The following RAVER2 variants were observed in gnomAD, a reference collection of about 807,000 sequenced individuals.
RAVER2 encodes the protein ribonucleoprotein, PTB binding 2, also known as ribonucleoprotein PTB-binding 2.
A neutral mutation model predicts 78.1 loss-of-function variants in RAVER2; 46 were observed. The ratio of observed to expected loss-of-function variants is 0.59; its 90% CI spans 0.46 to 0.75. RAVER2 has a LOEUF of 0.75. RAVER2 is among the 30% of genes least tolerant of loss of function. The probability of loss-of-function intolerance (pLI) is 0.00; values close to 1 mark genes in which losing one functional copy is unlikely to be tolerated. For synonymous variants in RAVER2, 311 were observed against 313.3 expected (o/e 0.99, Z 0.08); for missense variants, 793 against 837.5 (o/e 0.95, Z 0.66).
chr1:64,753,775 GC>G (rs1244786524), intron 1 of RAVER2, among the ~76,000 whole-genome samples: 1 of 152,054 alleles, frequency 6.6e-6, no homozygotes, highest in Non-Finnish European at 1.5e-5. Context: ...GCCCACCTCG[GC>G]CTCCCAAAGT....
chr1:64,804,401 C>G (rs187062247), intron 6 of RAVER2, among the ~76,000 whole-genome samples: 100 of 151,990 alleles, frequency 6.6e-4, no homozygotes, highest in African/African-American at 2.3e-3. Flanking sequence ...AGCACAGTGC[C>G]TAGAACATAG....
At position 64,767,027 on chromosome 1, in the gene RAVER2, G is replaced by A. The variant is rs150058218; in HGVS notation, c.250-1629G>A. On this transcript the variant is annotated intron_variant, in intron 1 of 11. Coordinates refer to ENST00000294428, the Ensembl canonical transcript of RAVER2. ...ATGCTATTTTACAAAATTGGTAAGTGTATGTATTTTAAAAAATTTCTAATA... is the reference window on the plus strand; with the variant it reads ...ATGCTATTTTACAAAATTGGTAAGTATATGTATTTTAAAAAATTTCTAATA... Among the ~76,000 whole-genome samples, 370 of 152,166 alleles carry A rather than the reference G, an allele frequency of 2.4e-3. 2 individuals carry two copies. The highest frequency in any genetic ancestry group is 8.2e-3 in the African/African-American group (342 of 41,544).
At chr1:64,761,180 A>G (rs1027497551) in intron 1 of RAVER2, among the ~76,000 whole-genome samples, 3 of 152,260 alleles carry the variant, frequency 2.0e-5, no homozygotes, top group African/African-American at 7.2e-5. Context: ...ATTTTAGGCC[A>G]AGTCAAAATG....
At chr1:64,745,079 G>T (rs1651481983), upstream of RAVER2, 3 of 993,966 alleles carry the variant, frequency 3.0e-6, no homozygotes, top group Admixed American at 6.1e-5. This position sits in a 1 kb window ranked among gnomAD's most constrained non-coding sequence, Gnocchi z 4.3. Context: ...TGCGGCCTCT[G>T]CCCGCCTCGC....
intron 4 of RAVER2, among the ~76,000 whole-genome samples, chr1:64,785,992 T>C (rs983781419): frequency 1.4e-4 from 21 of 152,334 alleles, no homozygotes; most frequent in African/African-American, 4.1e-4. Context: ...TGAGAACTTA[T>C]ATAGTTGAGA....
intron 2 of RAVER2, 115 bp downstream of exon 2, chr1:64,768,837 T>G: frequency 3.0e-6 from 2 of 668,272 alleles, no homozygotes; most frequent in Non-Finnish European, 5.2e-6. Context: ...TTTTAAGCCT[T>G]AAATCATTCG....
intron 2 of RAVER2, among the ~76,000 whole-genome samples, chr1:64,774,140 T>C (rs1013460707): frequency 2.6e-5 from 4 of 152,220 alleles, no homozygotes. Context: ...GCCTATTCAC[T>C]CTGCTGATAA....
chr1:64,750,307 CTT>C (rs563534320), intron 1 of RAVER2, among the ~76,000 whole-genome samples: 13 of 138,642 alleles, frequency 9.4e-5, no homozygotes, highest in Admixed American at 7.2e-5. Flanking sequence ...TTTTTCTTTT[CTT>C]TTTTTTTTTT....
At chr1:64,815,442 T>A (rs1653732705) in intron 11 of RAVER2, 1 of 152,232 alleles carries the variant, frequency 6.6e-6, no homozygotes, top group Non-Finnish European at 1.5e-5. Flanking sequence ...TCCTGTGTCA[T>A]TACTTAAATA....
At chr1:64,780,080 A>C (rs1316338334) in intron 3 of RAVER2, among the ~76,000 whole-genome samples, 1 of 145,292 alleles carries the variant, frequency 6.9e-6, no homozygotes, top group African/African-American at 2.8e-5. Context: ...ATAGAATAGT[A>C]AAAAAAAATT....
At chr1:64,816,547 C>G (rs1040587648) in intron 11 of RAVER2, 1 of 152,184 alleles carries the variant, frequency 6.6e-6, no homozygotes, top group African/African-American at 2.4e-5. Context: ...ATTAGGAATT[C>G]CTTTTACTAT....
chr1:64,827,467 G>A (rs1327267629), intron 11 of RAVER2, among the ~76,000 whole-genome samples: 1 of 152,100 alleles, frequency 6.6e-6, no homozygotes, highest in Non-Finnish European at 1.5e-5. Context: ...TGGAACCACT[G>A]GGTGCAAACT....
chr1:64,796,486 G>T (rs1387674909), intron 5 of RAVER2, among the ~76,000 whole-genome samples: 1 of 152,030 alleles, frequency 6.6e-6, no homozygotes. Context: ...CTTCTTAAGT[G>T]AGCTTTGCTA....
chr1:64,784,682 A>C (rs756193141), intron 4 of RAVER2, among the ~76,000 whole-genome samples: 3 of 152,168 alleles, frequency 2.0e-5, no homozygotes, highest in Admixed American at 6.5e-5. Context: ...TTCAAAGAAG[A>C]CTTTTTTTCT....
At chr1:64,812,743 C>G in exon 10 of RAVER2, 1 of 1,608,898 alleles carries the variant, frequency 6.2e-7, no homozygotes, top group Non-Finnish European at 8.5e-7. Flanking sequence ...AATAGGCTGC[C>G]TCTAAGAATC....
intron 3 of RAVER2, among the ~76,000 whole-genome samples, chr1:64,780,793 G>T (rs1244133904): frequency 6.6e-6 from 1 of 152,180 alleles, no homozygotes; most frequent in Admixed American, 6.5e-5. Flanking sequence ...TACATGGCAG[G>T]AGTTTATTTA....
At position 64,750,454 on chromosome 1, in the gene RAVER2, A is replaced by G. The variant is rs141820438; in HGVS notation, c.249+5033A>G. ...CATCTGAGAAGTTGGGACCATAGGC[A>G]TGCACCACTGTGTCCAGCTAATATT... On this transcript the variant is annotated intron_variant, in intron 1 of 11. Transcript: ENST00000294428. Among the ~76,000 whole-genome samples, 939 of 152,042 alleles carry G rather than the reference A, an allele frequency of 6.2e-3. 2 individuals carry two copies. Among genetic ancestry groups the G allele is most frequent in the Non-Finnish European group, 0.01 (681 of 67,958 alleles).
At chr1:64,767,209 G>A (rs556433459) in intron 1 of RAVER2, among the ~76,000 whole-genome samples, 2 of 151,836 alleles carry the variant, frequency 1.3e-5, no homozygotes, top group Non-Finnish European at 2.9e-5. Context: ...TTCAACTTCT[G>A]TCTTCTTATT....
intron 1 of RAVER2, among the ~76,000 whole-genome samples, chr1:64,760,354 G>T (rs1651987432): frequency 6.6e-6 from 1 of 152,200 alleles, no homozygotes; most frequent in Non-Finnish European, 1.5e-5. Context: ...ATCAACTTCA[G>T]AGTCCAGAAT....
Sources: allele counts gnomAD v4.1 joint callset (sites outside exome capture counted in the v4.1 genomes callset), GRCh38; gene constraint gnomAD v4.1.1; non-coding constraint Gnocchi (gnomAD v3.1); transcripts MANE v1.5; gene names NCBI Gene and HGNC (gene_info 2026-07-23, HGNC 2026-07-21).